MROH2A: variants seen among roughly 807,000 people sequenced by gnomAD.
MROH2A encodes the protein maestro heat-like repeat-containing protein family member 2A.
MROH2A carries 174 observed loss-of-function variants against 200.4 expected under a neutral mutation model. The ratio of observed to expected loss-of-function variants is 0.87; its 90% CI spans 0.77 to 0.98. The LOEUF is 0.98. Ranked by LOEUF, MROH2A falls within the 50% of genes least tolerant of loss-of-function variation. MROH2A has a pLI of 0.00. For missense variants in MROH2A, 2,045 were observed against 2,139.6 expected, an observed-to-expected ratio of 0.96 and a Z score of 0.87; for synonymous variants, 829 against 840.4, an observed-to-expected ratio of 0.99 and a Z score of 0.23.
intron 38 of MROH2A, 60 bp from the exon 39 acceptor site, chr2:233,831,349 C>A: frequency 1.3e-6 from 2 of 1,488,772 alleles, no homozygotes; most frequent in Non-Finnish European, 1.8e-6. Context: ...GCCAGCCTCA[C>A]CCCTCTGGGG....
At chr2:233,822,618 C>G (rs1468831153) in intron 33 of MROH2A, 62 bp downstream of exon 33, 8 of 1,492,832 alleles carry the variant, frequency 5.4e-6, no homozygotes, top group Non-Finnish European at 7.2e-6. Context: ...CACGGGCTGC[C>G]CCTTAGTTGC....
intron 3 of MROH2A, among the ~76,000 whole-genome samples, chr2:233,784,614 A>T (rs1701102801): frequency 6.6e-6 from 1 of 152,140 alleles, no homozygotes; most frequent in Non-Finnish European, 1.5e-5. Context: ...ATGAGTTCAC[A>T]TGAGAGCTGG....
At chr2:233,804,325 A>C (rs1338137108) in intron 17 of MROH2A, 133 bp downstream of exon 17, 1 of 1,410,758 alleles carries the variant, frequency 7.1e-7, no homozygotes, top group Non-Finnish European at 9.6e-7. Flanking sequence ...TTTTGTCCTG[A>C]GAACTGGTTG....
intron 25 of MROH2A, 56 bp from the exon 26 acceptor site, chr2:233,814,525 AG>A (rs1242624218): frequency 7.8e-7 from 1 of 1,278,682 alleles, no homozygotes; most frequent in Non-Finnish European, 1.1e-6. Flanking sequence ...CCCTGCAGGG[AG>A]GGGGGTTGTG....
rs1171521474 is a variant in MROH2A at position 233,796,204 on chromosome 2, C to T, written c.1143C>T (p.Arg381=). ...EMVHCFVALA[R]SYPKELMKFF... ...AGCTGTCCTTCCACCCTGCAGCTCGCTCCTACCCCAAGGAGCTGATGAAGT... is the reference window on the plus strand; with the variant it reads ...AGCTGTCCTTCCACCCTGCAGCTCGTTCCTACCCCAAGGAGCTGATGAAGT... Residue 381 remains arginine (R), a synonymous_variant, in exon 11 of 42, where the codon CGC becomes CGT. Transcript: ENST00000389758. 2.6e-6 allele frequency: 4 copies of T among 1,549,894 alleles called. No individual in the cohort carries two copies. The East Asian group carries it at 7.3e-5, about 28-fold the overall frequency.
chr2:233,787,524 ATT>A (rs1701277819), intron 3 of MROH2A, among the ~76,000 whole-genome samples: 1 of 122,356 alleles, frequency 8.2e-6, no homozygotes, highest in Non-Finnish European at 1.6e-5. Flanking sequence ...ATACATATAT[ATT>A]ACATATATCA....
rs891472949 is a variant in MROH2A, at chr2:233,788,800, G to A, written c.277-697G>A. Among the ~76,000 whole-genome samples the A allele has an allele frequency of 5.9e-5, 9 of 152,062 alleles. No individual in the cohort carries two copies. In the South Asian group the frequency reaches 8.3e-4, roughly 14 times the overall value. On this transcript the variant is annotated intron_variant, in intron 3 of 41. Coordinates refer to ENST00000389758, the MANE Select transcript of MROH2A (RefSeq NM_001394639.1). Reference sequence around the variant, plus strand: ...AAAATACAAAAAAAATTAGCCGGGCGTGGTGGCGGGCGCCTGTAGTCCCAG... The same window carrying A: ...AAAATACAAAAAAAATTAGCCGGGCATGGTGGCGGGCGCCTGTAGTCCCAG...
At chr2:233,801,589 C>T (rs1702474931) in intron 14 of MROH2A, among the ~76,000 whole-genome samples, 1 of 152,204 alleles carries the variant, frequency 6.6e-6, no homozygotes, top group Non-Finnish European at 1.5e-5. Context: ...AGCCTTGTGG[C>T]TGAATATCTT....
At chr2:233,789,775 G>C in intron 4 of MROH2A, 77 bp from the exon 5 acceptor site, 1 of 1,494,156 alleles carries the variant, frequency 6.7e-7, no homozygotes, top group East Asian at 2.5e-5. Context: ...GAGGGGTGGA[G>C]AGAGCCTGGG....
In MROH2A at chr2:233,799,907, GC is replaced by G; in HGVS notation, c.1449+11del. ...TTATCCACCTACAAACTGGTGAGTG[GC>G]CCTGATACGCAGACCGCAGAGCAGC... is the stretch of plus-strand genomic sequence containing the variant. On this transcript the variant is annotated intron_variant, in intron 13 of 41. Coordinates refer to ENST00000389758, the MANE Select transcript of MROH2A (RefSeq NM_001394639.1). 6.4e-7 allele frequency: 1 copy of G among 1,550,448 alleles called. No homozygotes were observed. Among genetic ancestry groups the G allele is most frequent in the African/African-American group, 1.4e-5 (1 of 73,140 alleles).
chr2:233,818,465 G>A (rs1010458277), intron 28 of MROH2A, among the ~76,000 whole-genome samples, 187 bp from the exon 29 acceptor site: 6 of 152,144 alleles, frequency 3.9e-5, no homozygotes, highest in Non-Finnish European at 7.3e-5. Flanking sequence ...TGAGCTGGGC[G>A]GAGAGGTGGT....
chr2:233,829,655 C>T lies in MROH2A; in HGVS notation c.4482C>T (p.Leu1494=). 6.8e-7 allele frequency: 1 copy of T among 1,478,976 alleles called. No individual in the cohort carries two copies. Among genetic ancestry groups the T allele is most frequent in the South Asian group, 1.4e-5 (1 of 72,210 alleles). The allele number at this position is 1,478,976 out of a possible 1,614,324, so 91.6% of individuals were successfully genotyped here. Residue 1494 remains leucine (L), a synonymous_variant, in exon 38 of 42, where the codon CTC becomes CTT. Transcript: ENST00000389758. ...SELLRLKAFI[L]FGKLARVVGM... ...TGCTGCGTCTGAAAGCCTTCATCCT[C>T]TTTGGAAAGCTGGCAAGGGTGGTCG... is the stretch of plus-strand genomic sequence containing the variant.
At chr2:233,795,945 C>T in intron 9 of MROH2A, 22 bp from the exon 10 acceptor site, 1 of 1,549,602 alleles carries the variant, frequency 6.5e-7, no homozygotes, top group South Asian at 1.2e-5. Context: ...CTCCTCCAGC[C>T]TCACTGCACG....
At chr2:233,788,152 ATT>A (rs67887725) in intron 3 of MROH2A, among the ~76,000 whole-genome samples, 6,629 of 96,794 alleles carry the variant, frequency 0.068, 783 homozygotes, top group South Asian at 0.099. Flanking sequence ...TATAATATAT[ATT>A]TTATATATAC....
At chr2:233,822,033 C>T in intron 31 of MROH2A, 91 bp from the exon 32 acceptor site, 1 of 1,427,200 alleles carries the variant, frequency 7.0e-7, no homozygotes, top group Non-Finnish European at 9.3e-7. Flanking sequence ...CCAACCCCTA[C>T]TTAGGGGGCT....
chr2:233,778,188 G>C (rs1700763943), upstream of MROH2A: 1 of 152,818 alleles, frequency 6.5e-6, no homozygotes, highest in African/African-American at 2.4e-5. Flanking sequence ...ATGATGTGGA[G>C]TTTTCACCCC....
chr2:233,805,979 A>C (rs2126135803), intron 19 of MROH2A, among the ~76,000 whole-genome samples: 1 of 152,366 alleles, frequency 6.6e-6, no homozygotes, highest in African/African-American at 2.4e-5. Flanking sequence ...AAAACACAGG[A>C]TAAATCTTGT....
At chr2:233,777,872 G>A (rs1700755711), upstream of MROH2A, among the ~76,000 whole-genome samples, 1 of 152,192 alleles carries the variant, frequency 6.6e-6, no homozygotes, top group Admixed American at 6.5e-5. Context: ...GGAAATCAGG[G>A]TGCCTCCTCT....
At position 233,809,408 on chromosome 2, in the gene MROH2A, T is replaced by A. The variant is rs1703010281; in HGVS notation, c.2448+130T>A. On this transcript the variant is annotated intron_variant, in intron 22 of 41. Transcript: ENST00000389758. ...GGCATCTTACCTGATGCCCAGCACG[T>A]GGGAAGCCCATTGCCCAAATGTGCT... 3 of 1,031,372 alleles carry A rather than the reference T, an allele frequency of 2.9e-6. No homozygotes were observed. The Admixed American group carries it at 7.2e-5, about 25-fold the overall frequency. 63.9% of individuals were successfully genotyped at this position (1,031,372 alleles called of 1,614,324 possible).
Sources: gnomAD v4.1 joint callset for allele counts (sites outside exome capture counted in the v4.1 genomes callset) on GRCh38, gnomAD v4.1.1 for gene constraint, MANE v1.5 for transcripts, NCBI Gene and HGNC (gene_info 2026-07-23, HGNC 2026-07-21) for gene names.